IQSEC1: variants seen among roughly 807,000 people sequenced by gnomAD.
The protein encoded by IQSEC1 is IQ motif and Sec7 domain ArfGEF 1, also known as IQ motif and SEC7 domain-containing protein 1.
Under a neutral mutation model 91.0 loss-of-function variants are expected in IQSEC1, and 31 were observed. The ratio of observed to expected loss-of-function variants is 0.34; its 90% CI spans 0.26 to 0.46. The LOEUF (loss-of-function observed/expected upper bound fraction) is 0.46. Among genes scored for constraint, IQSEC1 ranks in the 20% least tolerant of loss-of-function variants. The probability of loss-of-function intolerance (pLI) is 1.00; values close to 1 mark genes in which losing one functional copy is unlikely to be tolerated. For missense variants in IQSEC1, 1,388 were observed against 1,575.6 expected (o/e 0.88, Z 2.02); for synonymous variants, 699 against 662.6 (o/e 1.05, Z -0.84).
intron 1 of IQSEC1, among the ~76,000 whole-genome samples, chr3:13,184,577 C>T (rs1239528053): frequency 6.6e-6 from 1 of 152,190 alleles, no homozygotes; most frequent in East Asian, 1.9e-4. Context: ...TATCTAACGT[C>T]ACCCCACAGG....
intron 1 of IQSEC1, among the ~76,000 whole-genome samples, chr3:13,210,434 C>T (rs1179110313): frequency 6.6e-6 from 1 of 152,176 alleles, no homozygotes. Flanking sequence ...GAACCGCAAT[C>T]TCCAAGCCCC....
At chr3:13,115,572 A>G (rs565939158) in intron 2 of IQSEC1, among the ~76,000 whole-genome samples, 1 of 152,266 alleles carries the variant, frequency 6.6e-6, no homozygotes, top group South Asian at 2.1e-4. Context: ...TCACTAGTAG[A>G]GCAGGAACAA....
At chr3:13,058,641 C>T (rs577793868) in intron 1 of IQSEC1, among the ~76,000 whole-genome samples, 2 of 152,322 alleles carry the variant, frequency 1.3e-5, no homozygotes, top group East Asian at 1.9e-4. Flanking sequence ...AAGGAGAACC[C>T]ACCCCCAGCC....
At chr3:13,194,744 C>G (rs988205693) in intron 1 of IQSEC1, among the ~76,000 whole-genome samples, 2 of 152,092 alleles carry the variant, frequency 1.3e-5, no homozygotes, top group Non-Finnish European at 2.9e-5. Flanking sequence ...CCTAACAGAC[C>G]TGACCCGCAG....
At chr3:13,089,232 A>G (rs1328178007) in intron 2 of IQSEC1, among the ~76,000 whole-genome samples, 1 of 152,264 alleles carries the variant, frequency 6.6e-6, no homozygotes, top group Admixed American at 6.5e-5. Flanking sequence ...GCATCAACAG[A>G]TGATGGATAA....
At position 12,967,763 on chromosome 3, in the gene IQSEC1, C is replaced by A. The variant is rs1037514978; in HGVS notation, c.24-25898G>T. 1.3e-5 allele frequency: 12 copies of A among 952,860 alleles called. No individual in the cohort carries two copies. Among genetic ancestry groups the A allele is most frequent in the Non-Finnish European group, 1.4e-5 (11 of 791,120 alleles). The allele number at this position is 952,860 out of a possible 1,614,324, so 59.0% of individuals were successfully genotyped here. A position where few individuals can be genotyped will look rare whatever the true frequency, so the allele number is the denominator to read the frequency against. ...GCAGGGCGGGGGCGGGGCCGGAGGGCGAGCTGGGGGCGGGGCCGGAGGGCG... is the reference window on the plus strand; with the variant it reads ...GCAGGGCGGGGGCGGGGCCGGAGGGAGAGCTGGGGGCGGGGCCGGAGGGCG... On this transcript the variant is annotated intron_variant, in intron 1 of 13. Coordinates refer to ENST00000613206, the MANE Select transcript of IQSEC1 (RefSeq NM_001134382.3). The surrounding 1 kb of genome is among the most constrained non-coding windows in gnomAD (Gnocchi z 5.9).
chr3:12,968,577 C>T (rs1700749773), intron 1 of IQSEC1, among the ~76,000 whole-genome samples: 1 of 152,210 alleles, frequency 6.6e-6, no homozygotes, highest in African/African-American at 2.4e-5. Context: ...TTCCTCCTCT[C>T]CCAGGCTCTT....
intron 1 of IQSEC1, among the ~76,000 whole-genome samples, chr3:13,187,965 C>T (rs908888686): frequency 6.6e-6 from 1 of 152,214 alleles, no homozygotes; most frequent in African/African-American, 2.4e-5. Context: ...GGCCCCATTT[C>T]CTGATATCAT....
chr3:13,264,920 CTCTT>C (rs1429956867), intron 1 of IQSEC1, among the ~76,000 whole-genome samples: 2 of 152,034 alleles, frequency 1.3e-5, no homozygotes, highest in Admixed American at 6.5e-5. Context: ...CTCTCCCTCT[CTCTT>C]TCTGTTTCTG....
At chr3:13,027,471 G>A (rs1356995886) in intron 1 of IQSEC1, among the ~76,000 whole-genome samples, 2 of 152,234 alleles carry the variant, frequency 1.3e-5, no homozygotes, top group Admixed American at 6.5e-5. Flanking sequence ...AGACCGCAAG[G>A]GGGCAATGGC....
intron 1 of IQSEC1, among the ~76,000 whole-genome samples, chr3:13,069,103 T>A (rs570115430): frequency 6.6e-6 from 1 of 152,260 alleles, no homozygotes; most frequent in Non-Finnish European, 1.5e-5. Flanking sequence ...AAAGGGTGGA[T>A]AGATGCTACA....
rs1695663528 is a variant in IQSEC1 at position 13,275,576 on chromosome 3, C to T, written c.272+7135G>A. Among the ~76,000 whole-genome samples the T allele has an allele frequency of 2.6e-5, 4 of 152,216 alleles. No homozygotes were observed. The South Asian group carries it at 8.3e-4, about 32-fold the overall frequency. On this transcript the variant is annotated intron_variant, in intron 1 of 15. Transcript: ENST00000648114. ...CCTGCCTTGACACCATCCTCCTCCTCTCTCCTGCTCTTCAAGTCCCAGCTC... is the reference window on the plus strand; with the variant it reads ...CCTGCCTTGACACCATCCTCCTCCTTTCTCCTGCTCTTCAAGTCCCAGCTC...
At chr3:13,072,576 G>A (rs759480653) in intron 1 of IQSEC1, among the ~76,000 whole-genome samples, 14 of 152,238 alleles carry the variant, frequency 9.2e-5, no homozygotes, top group Non-Finnish European at 2.1e-4. Context: ...CCTGGCCACT[G>A]CCTCAGCCTG....
At chr3:12,902,554 C>G (rs1334951843) in intron 13 of IQSEC1, among the ~76,000 whole-genome samples, 1 of 148,102 alleles carries the variant, frequency 6.8e-6, no homozygotes, top group Non-Finnish European at 1.5e-5. Flanking sequence ...TTTCTAGGCA[C>G]AGAGGAGAAG....
intron 1 of IQSEC1, among the ~76,000 whole-genome samples, chr3:13,203,573 C>G (rs756331253): frequency 1.3e-5 from 2 of 152,146 alleles, no homozygotes; most frequent in Non-Finnish European, 2.9e-5. Flanking sequence ...GGAAACACAC[C>G]GGAGAGGCAA....
At chr3:13,203,801 T>C (rs1456684429) in intron 1 of IQSEC1, among the ~76,000 whole-genome samples, 1 of 152,168 alleles carries the variant, frequency 6.6e-6, no homozygotes, top group African/African-American at 2.4e-5. Context: ...GTCCAAGAAT[T>C]CATCCTTCCC....
intron 1 of IQSEC1, among the ~76,000 whole-genome samples, chr3:13,024,517 C>T (rs79623279): frequency 0.053 from 7,947 of 150,896 alleles, 216 homozygotes; most frequent in African/African-American, 0.067. Context: ...ACATATCATA[C>T]GTTGTCTGCA....
At chr3:13,240,584 G>T (rs1003620464) in intron 1 of IQSEC1, among the ~76,000 whole-genome samples, 7 of 152,096 alleles carry the variant, frequency 4.6e-5, no homozygotes, top group African/African-American at 1.7e-4. Context: ...GGTCTCACGG[G>T]CTGCAGTAAA....
rs115784180 is a variant in IQSEC1, at chr3:13,254,970, G to A, written c.272+27741C>T. On this transcript the variant is annotated intron_variant, in intron 1 of 15. Coordinates refer to the IQSEC1 transcript ENST00000648114. ...CCTGACAAAGCTCCAGATCCGACAA[G>A]GCACATCCACACAGCCCTCCCCCAA... Among the ~76,000 whole-genome samples the A allele has an allele frequency of 2.3e-3, 353 of 152,306 alleles. 1 individual carries two copies. Among genetic ancestry groups the A allele is most frequent in the African/African-American group, 7.9e-3 (330 of 41,556 alleles).
Sources: gnomAD v4.1 joint callset for allele counts (sites outside exome capture counted in the v4.1 genomes callset) on GRCh38, gnomAD v4.1.1 for gene constraint, Gnocchi (gnomAD v3.1) non-coding constraint, MANE v1.5 for transcripts, NCBI Gene and HGNC (gene_info 2026-07-23, HGNC 2026-07-21) for gene names.